Variants in SLC5A11 observed in about 807,000 individuals in gnomAD.
The protein encoded by SLC5A11 is solute carrier family 5 member 11.
Under a neutral mutation model 69.8 loss-of-function variants are expected in SLC5A11, and 48 were observed. The observed-to-expected ratio is 0.69, with a 90% confidence interval of 0.55 to 0.87. The LOEUF is 0.87. Among genes scored for constraint, SLC5A11 ranks in the 40% least tolerant of loss-of-function variants. The probability of loss-of-function intolerance (pLI) is 0.00; values close to 1 mark genes in which losing one functional copy is unlikely to be tolerated. For missense variants in SLC5A11, 784 were observed against 866.1 expected (o/e 0.91, Z 1.19); for synonymous variants, 319 against 342.4 (o/e 0.93, Z 0.75).
chr16:24,874,056 G>A (rs1213246691), intron 5 of SLC5A11, among the ~76,000 whole-genome samples: 2 of 152,030 alleles, frequency 1.3e-5, no homozygotes, highest in Non-Finnish European at 1.5e-5. Context: ...TGAACTCCTG[G>A]CCTCAGGTGA....
chr16:24,893,716 G>A (rs567408396), intron 9 of SLC5A11, among the ~76,000 whole-genome samples: 23 of 152,070 alleles, frequency 1.5e-4, no homozygotes, highest in Non-Finnish European at 2.9e-4. Context: ...GACTATAGGC[G>A]TGCACCACTA....
At chr16:24,870,665 A>T (rs1179068745) in intron 4 of SLC5A11, among the ~76,000 whole-genome samples, 2 of 151,040 alleles carry the variant, frequency 1.3e-5, no homozygotes, top group Admixed American at 6.6e-5. Context: ...CTGTAATCCT[A>T]GCTACTCAGG....
chr16:24,910,274 C>G (rs2050411208), intron 14 of SLC5A11, 32 bp from the exon 16 acceptor site: 4 of 1,608,506 alleles, frequency 2.5e-6, no homozygotes, highest in Non-Finnish European at 3.4e-6. Context: ...CCACCTCCAC[C>G]ACAAATCTCA....
At chr16:24,847,258 C>T (rs1048058708) in intron 1 of SLC5A11, among the ~76,000 whole-genome samples, 8 of 148,936 alleles carry the variant, frequency 5.4e-5, no homozygotes, top group Admixed American at 2.0e-4. Flanking sequence ...CCTTCCTTCC[C>T]TCCCTCCCAC....
At chr16:24,901,123 G>A (rs1284353266) in intron 10 of SLC5A11, among the ~76,000 whole-genome samples, 1 of 152,048 alleles carries the variant, frequency 6.6e-6, no homozygotes, top group African/African-American at 2.4e-5. Flanking sequence ...ATGTCTCTTT[G>A]CTTCGTTTCC....
At position 24,872,269 on chromosome 16, in the gene SLC5A11, A is replaced by C; in HGVS notation, c.372+50A>C. On this transcript the variant is annotated intron_variant, in intron 5 of 15. Coordinates refer to ENST00000347898, the Ensembl canonical transcript of SLC5A11. ...TGTAGAATTGAAAGATGCTTTGGGA[A>C]TCTCAGCCCTGCAGTCCCTCCCTCA... 2.5e-6 allele frequency: 4 copies of C among 1,603,166 alleles called. No homozygotes were observed. The South Asian group carries it at 3.3e-5, about 13-fold the overall frequency.
chr16:24,893,548 CTTTT>C (rs946945916), intron 9 of SLC5A11, among the ~76,000 whole-genome samples: 1 of 151,188 alleles, frequency 6.6e-6, no homozygotes, highest in Non-Finnish European at 1.5e-5. Context: ...TTCTGAACTT[CTTTT>C]TTATTATTTT....
intron 9 of SLC5A11, among the ~76,000 whole-genome samples, chr16:24,893,116 C>CAAAAAAAAAAAAAAAAAAA (rs58331547): frequency 5.0e-5 from 5 of 99,094 alleles, no homozygotes; most frequent in Non-Finnish European, 5.7e-5. Flanking sequence ...ACTAAAAATA[C>CAAAAAAAAAAAAAAAAAAA]AAAAAAAAAA....
intron 1 of SLC5A11, among the ~76,000 whole-genome samples, chr16:24,849,316 C>T (rs1377522551): frequency 1.3e-5 from 2 of 151,840 alleles, no homozygotes; most frequent in Non-Finnish European, 2.9e-5. Context: ...GCCTGTAATC[C>T]CAGCACTTTG....
At chr16:24,867,014 CACTATAAACCA>C (rs1318870495) in intron 3 of SLC5A11, among the ~76,000 whole-genome samples, 1 of 152,060 alleles carries the variant, frequency 6.6e-6, no homozygotes, top group South Asian at 2.1e-4. Context: ...ACATGAACAA[CACTATAAACCA>C]ACTGACCTAA....
intron 3 of SLC5A11, among the ~76,000 whole-genome samples, chr16:24,867,665 A>C (rs1477532153): frequency 7.2e-5 from 11 of 152,206 alleles, no homozygotes; most frequent in African/African-American, 2.7e-4. Flanking sequence ...TAATAAAATT[A>C]GAAATGAAAA....
At chr16:24,911,495 G>T in exon 16 of SLC5A11, 1 of 1,614,130 alleles carries the variant, frequency 6.2e-7, no homozygotes, top group Non-Finnish European at 8.5e-7. Flanking sequence ...CATTTTCTGC[G>T]TGAGCTGCGC....
chr16:24,911,281 G>A (rs202153150), intron 15 of SLC5A11, 47 bp from the exon 17 acceptor site: 1 of 1,592,970 alleles, frequency 6.3e-7, no homozygotes. Context: ...ACCTCTCTGG[G>A]AGATACAGAC....
At chr16:24,883,970 C>A (rs2048217877) in intron 7 of SLC5A11, 81 bp from the exon 9 acceptor site, 2 of 1,316,158 alleles carry the variant, frequency 1.5e-6, no homozygotes, top group Non-Finnish European at 1.1e-6. Flanking sequence ...CGGGTCCTGG[C>A]CTTCCAGGTT....
chr16:24,875,808 T>C, intron 6 of SLC5A11, 77 bp downstream of exon 7: 1 of 1,155,728 alleles, frequency 8.7e-7, no homozygotes, highest in African/African-American at 1.5e-5. Context: ...CTCAGGAGTG[T>C]CTCCTCGCTA....
Position 24,911,465 on chromosome 16 carries a change from A to G in SLC5A11, c.1960A>G (p.Thr654Ala), listed in dbSNP as rs775509506. The change falls in exon 16 of 16, where the codon ACC becomes GCC. Residue 654 changes from threonine (T) to alanine (A), a missense_variant. Around this residue, in one of 3 missense-constraint regions of SLC5A11, gnomAD observed 550 missense variants for 606.4 expected, o/e 0.91. Transcript: ENST00000347898. ...CCTGGAAGAAAACCCCTTGGTGAAGACCCTCCTGGACGTCAACCTCATTTT... is the reference window on the plus strand; with the variant it reads ...CCTGGAAGAAAACCCCTTGGTGAAGGCCCTCCTGGACGTCAACCTCATTTT... 5 of 1,613,712 alleles carry G rather than the reference A, an allele frequency of 3.1e-6. No individual in the cohort carries two copies. In the Admixed American group the frequency reaches 8.3e-5, roughly 27 times the overall value.
intron 9 of SLC5A11, among the ~76,000 whole-genome samples, chr16:24,895,090 A>G (rs1042306522): frequency 2.1e-4 from 32 of 151,640 alleles, no homozygotes; most frequent in Admixed American, 1.7e-3. Context: ...GCACCACTGC[A>G]CTCCAATCTG....
intron 3 of SLC5A11, 119 bp from the exon 5 acceptor site, chr16:24,869,782 G>A (rs962777031): frequency 9.0e-6 from 6 of 665,134 alleles, no homozygotes; most frequent in East Asian, 5.4e-5. Context: ...TAGGCTAGGG[G>A]TGGCCCTGCC....
At chr16:24,890,748 G>A (rs1482832103) in intron 8 of SLC5A11, 121 bp from the exon 10 acceptor site, 3 of 883,108 alleles carry the variant, frequency 3.4e-6, no homozygotes, top group East Asian at 2.4e-5. Context: ...GAACCCTTAA[G>A]GGGATTAACA....
Sources: gnomAD v4.1 joint callset for allele counts (sites outside exome capture counted in the v4.1 genomes callset) on GRCh38, gnomAD v4.1.1 for gene constraint, gnomAD v4.1.1 regional missense constraint, MANE v1.5 for transcripts, NCBI Gene and HGNC (gene_info 2026-07-23, HGNC 2026-07-21) for gene names.